CNGA1: variants seen among roughly 807,000 people sequenced by gnomAD.
CNGA1 encodes cyclic nucleotide-gated channel alpha-1.
A neutral mutation model predicts 69.7 loss-of-function variants in CNGA1; 53 were observed. The observed-to-expected ratio is 0.76, with a 90% CI of 0.61 to 0.96. The LOEUF (loss-of-function observed/expected upper bound fraction) is 0.96. Ranked by LOEUF, CNGA1 falls within the 40% of genes least tolerant of loss-of-function variation. The pLI is 0.00. For missense variants in CNGA1, 739 were observed against 811.2 expected, an observed-to-expected ratio of 0.91 and a Z score of 1.08; for synonymous variants, 249 against 283.5, an observed-to-expected ratio of 0.88 and a Z score of 1.22.
At chr4:47,938,607 G>T (rs1383999631) in intron 10 of CNGA1, among the ~76,000 whole-genome samples, 1 of 152,032 alleles carries the variant, frequency 6.6e-6, no homozygotes, top group Non-Finnish European at 1.5e-5. Flanking sequence ...TGGCCAGGCT[G>T]GTCTTGATCT....
rs1215635643 is a variant in CNGA1 at position 48,016,511 on chromosome 4, CT to C, written c.-252del. ...GGCGGGCTCCACGCTCCGAGAGACG[CT>C]GTTGCTCTATGAGGCGTGTCTGTGT... On this transcript the variant is annotated 5_prime_UTR_variant, in exon 1 of 11. Transcript: ENST00000514170. 3 of 397,680 alleles carry C rather than the reference CT, an allele frequency of 7.5e-6. No homozygotes were observed. The highest frequency in any genetic ancestry group is 1.3e-5 in the Non-Finnish European group (3 of 223,298). 24.6% of individuals were successfully genotyped at this position (397,680 alleles called of 1,614,324 possible). A position where few individuals can be genotyped will look rare whatever the true frequency, so the allele number is the denominator to read the frequency against.
In CNGA1 at chr4:47,937,588, G is replaced by A; in HGVS notation, c.894C>T (p.Asn298=). ...TAATGATGACGATATACATAACAAG[G>A]TTGGAAATCCTGAAGATGTTTGGAT... ...TNYPNIFRIS[N]LVMYIVIIIH... Residue 298 remains asparagine (N), a synonymous_variant, in exon 11 of 11, where the codon AAC becomes AAT. Transcript: ENST00000514170. 1 of 1,614,102 alleles carries A rather than the reference G, an allele frequency of 6.2e-7. No individual in the cohort carries two copies. Among genetic ancestry groups the A allele is most frequent in the South Asian group, 1.1e-5 (1 of 91,082 alleles).
chr4:47,978,118 G>A (rs1040571953), intron 3 of CNGA1, among the ~76,000 whole-genome samples: 22 of 152,088 alleles, frequency 1.4e-4, no homozygotes, highest in Non-Finnish European at 2.2e-4. Context: ...GAGCCACCGC[G>A]CCCAGCCCTA....
intron 3 of CNGA1, among the ~76,000 whole-genome samples, chr4:47,980,193 A>T (rs1006137958): frequency 1.3e-5 from 2 of 152,208 alleles, no homozygotes; most frequent in Non-Finnish European, 2.9e-5. Context: ...ATTGGTGTTT[A>T]TGGGTGTTAG....
chr4:48,001,896 C>CT (rs2109346618), intron 2 of CNGA1, among the ~76,000 whole-genome samples: 1 of 152,274 alleles, frequency 6.6e-6, no homozygotes, highest in African/African-American at 2.4e-5. Flanking sequence ...TCTGGAAAAG[C>CT]TGCAGTTATC....
At chr4:47,982,147 T>G (rs766995340) in intron 2 of CNGA1, among the ~76,000 whole-genome samples, 3 of 152,236 alleles carry the variant, frequency 2.0e-5, no homozygotes, top group Non-Finnish European at 2.9e-5. Flanking sequence ...CTAAGAACTC[T>G]TTTATGCAAT....
At position 47,937,401 on chromosome 4, in the gene CNGA1, C is replaced by A; in HGVS notation, c.1081G>T (p.Glu361Ter). The A allele has an allele frequency of 6.2e-7, 1 of 1,614,116 alleles. No homozygotes were observed. The highest frequency in any genetic ancestry group is 8.5e-7 in the Non-Finnish European group (1 of 1,180,018). ...WSTLTLTTIG[E>*]TPPPVRDSEY... ...GAATCCCTCACGGGAGGGGGTGTTT[C>A]ACCAATGGTAGTCAAAGTCAGTGTA... Residue 361 changes from glutamate to a stop codon, truncating the protein, a stop_gained, in exon 11 of 11, where the codon GAA becomes TAA. Transcript: ENST00000514170. LOFTEE classifies it high-confidence loss of function.
intron 2 of CNGA1, among the ~76,000 whole-genome samples, chr4:47,991,908 A>G (rs909487314): frequency 6.6e-6 from 1 of 152,134 alleles, no homozygotes; most frequent in Non-Finnish European, 1.5e-5. Flanking sequence ...TCCAAGCACC[A>G]TTTGTTGAAA....
chr4:48,004,277 T>A (rs1714800069), intron 2 of CNGA1, among the ~76,000 whole-genome samples: 2 of 152,218 alleles, frequency 1.3e-5, no homozygotes, highest in Admixed American at 1.3e-4. Flanking sequence ...CCCTTTGTCT[T>A]GTATCCAATA....
chr4:47,945,230 T>C (rs1450709724), intron 6 of CNGA1, among the ~76,000 whole-genome samples: 2 of 152,096 alleles, frequency 1.3e-5, no homozygotes, highest in African/African-American at 2.4e-5. Context: ...ATTTAAATTT[T>C]AAAAAAATCA....
intron 3 of CNGA1, among the ~76,000 whole-genome samples, chr4:47,979,523 C>T (rs1741590860): frequency 6.6e-6 from 1 of 152,094 alleles, no homozygotes; most frequent in South Asian, 2.1e-4. Flanking sequence ...TATGGATTTA[C>T]TCCTTTGACC....
chr4:47,967,809 T>C (rs1186663121), intron 3 of CNGA1, among the ~76,000 whole-genome samples: 6 of 152,068 alleles, frequency 3.9e-5, no homozygotes, highest in Non-Finnish European at 8.8e-5. Flanking sequence ...AAACCCCGTC[T>C]TTACTAAAAA....
At chr4:48,015,019 A>T (rs74511452) in intron 1 of CNGA1, among the ~76,000 whole-genome samples, 6 of 151,940 alleles carry the variant, frequency 3.9e-5, no homozygotes, top group Non-Finnish European at 5.9e-5. Context: ...AAAAAAAAAA[A>T]TACAAAAAAT....
intron 2 of CNGA1, among the ~76,000 whole-genome samples, chr4:47,998,694 C>T (rs969371780): frequency 6.6e-6 from 1 of 152,188 alleles, no homozygotes; most frequent in African/African-American, 2.4e-5. Context: ...AAGAGAATCG[C>T]TTGAACCTCA....
At chr4:48,000,968 A>G (rs936787517) in intron 2 of CNGA1, among the ~76,000 whole-genome samples, 7 of 152,208 alleles carry the variant, frequency 4.6e-5, no homozygotes, top group African/African-American at 1.7e-4. Flanking sequence ...GGAAATATCA[A>G]AGGTACCAAT....
intron 3 of CNGA1, among the ~76,000 whole-genome samples, chr4:47,971,652 G>A (rs1262394999): frequency 1.3e-5 from 2 of 152,130 alleles, no homozygotes; most frequent in Non-Finnish European, 2.9e-5. Flanking sequence ...AGCAAACTTT[G>A]GGAGGCCAAG....
intron 2 of CNGA1, among the ~76,000 whole-genome samples, chr4:48,008,674 C>A (rs752732042): frequency 6.6e-6 from 1 of 152,130 alleles, no homozygotes. Flanking sequence ...CTGTGATAGT[C>A]ATCAATTAAA....
intron 3 of CNGA1, among the ~76,000 whole-genome samples, chr4:47,954,477 C>T (rs1280809630): frequency 6.6e-6 from 1 of 152,164 alleles, no homozygotes; most frequent in Non-Finnish European, 1.5e-5. Context: ...GTTTGAGCAG[C>T]GGCGGGGGAG....
chr4:48,012,349 C>A (rs779177779), intron 1 of CNGA1, among the ~76,000 whole-genome samples: 1 of 151,976 alleles, frequency 6.6e-6, no homozygotes, highest in Non-Finnish European at 1.5e-5. Context: ...ATTTAGGAAC[C>A]AAACCCAGGG....
Sources: allele counts gnomAD v4.1 joint callset (sites outside exome capture counted in the v4.1 genomes callset), GRCh38; gene constraint gnomAD v4.1.1; transcripts MANE v1.5; gene names NCBI Gene and HGNC (gene_info 2026-07-23, HGNC 2026-07-21).